SPIDR: variants seen among roughly 807,000 people sequenced by gnomAD.
SPIDR encodes the protein DNA repair-scaffolding protein.
A neutral mutation model predicts 104.6 loss-of-function variants in SPIDR; 93 were observed. The ratio of observed to expected loss-of-function variants is 0.89; its 90% CI spans 0.75 to 1.06. The LOEUF (loss-of-function observed/expected upper bound fraction) is 1.06, where lower values mean the gene tolerates loss of function less well. Among genes scored for constraint, SPIDR ranks in the 50% least tolerant of loss-of-function variants. SPIDR has a pLI of 0.00. For missense variants in SPIDR, 1,154 were observed against 1,111.2 expected (o/e 1.04, Z -0.55); for synonymous variants, 431 against 416.9 (o/e 1.03, Z -0.41).
chr8:47,398,662 G>A (rs1251589471), intron 6 of SPIDR, among the ~76,000 whole-genome samples: 1 of 152,184 alleles, frequency 6.6e-6, no homozygotes, highest in African/African-American at 2.4e-5. Context: ...TGGGTCTGCA[G>A]TCCACGGGCA....
At chr8:47,733,160 G>A (rs1156495101) in intron 19 of SPIDR, among the ~76,000 whole-genome samples, 1 of 152,224 alleles carries the variant, frequency 6.6e-6, no homozygotes, top group Non-Finnish European at 1.5e-5. Context: ...GCCCAGTCGG[G>A]CAGATCACCT....
At chr8:47,445,194 A>G (rs191322570) in intron 8 of SPIDR, among the ~76,000 whole-genome samples, 26 of 152,302 alleles carry the variant, frequency 1.7e-4, no homozygotes, top group Admixed American at 1.4e-3. Context: ...CCTGAATCCA[A>G]CAAGTCTACC....
chr8:47,500,798 C>G (rs1288040567), intron 8 of SPIDR, among the ~76,000 whole-genome samples: 3 of 152,086 alleles, frequency 2.0e-5, no homozygotes, highest in African/African-American at 7.2e-5. Context: ...AGTCTTTAAT[C>G]CATCTTGAAT....
At chr8:47,331,700 TTC>T (rs1164763105) in intron 5 of SPIDR, among the ~76,000 whole-genome samples, 1 of 152,154 alleles carries the variant, frequency 6.6e-6, no homozygotes, top group Non-Finnish European at 1.5e-5. Context: ...TTTAAAAATT[TTC>T]TTTCTTCAAT....
At chr8:47,729,307 C>T in intron 18 of SPIDR, 105 bp from the exon 19 acceptor site, 1 of 1,485,048 alleles carries the variant, frequency 6.7e-7, no homozygotes, top group South Asian at 1.2e-5. Context: ...GCTCTGAAGA[C>T]AGGTGGTTTG....
At chr8:47,384,467 T>A (rs543090465) in intron 5 of SPIDR, among the ~76,000 whole-genome samples, 61 of 152,350 alleles carry the variant, frequency 4.0e-4, no homozygotes, top group Admixed American at 1.3e-3. Context: ...GCGTAATTTG[T>A]ATAGAAACTG....
At chr8:47,654,042 AGACAGATAGGG>A (rs1274951842) in intron 10 of SPIDR, 1 of 1,289,370 alleles carries the variant, frequency 7.8e-7, no homozygotes, top group African/African-American at 1.5e-5. Flanking sequence ...GCGGGAGCCA[AGACAGATAGGG>A]GCGTGGTAGC....
intron 5 of SPIDR, among the ~76,000 whole-genome samples, chr8:47,354,743 G>A (rs948720274): frequency 3.3e-5 from 5 of 152,020 alleles, no homozygotes; most frequent in Non-Finnish European, 7.4e-5. Context: ...TTGGGCTCAG[G>A]TGATCCTCCT....
At chr8:47,427,698 T>A (rs894290531) in intron 7 of SPIDR, among the ~76,000 whole-genome samples, 1 of 152,098 alleles carries the variant, frequency 6.6e-6, no homozygotes, top group Non-Finnish European at 1.5e-5. Flanking sequence ...TCAGGCTACC[T>A]CAGGAGCAGT....
intron 5 of SPIDR, among the ~76,000 whole-genome samples, chr8:47,339,645 A>G (rs1458571285): frequency 6.6e-6 from 1 of 152,046 alleles, no homozygotes; most frequent in Non-Finnish European, 1.5e-5. Flanking sequence ...CTTTAAGCTG[A>G]ATACATGTTG....
At chr8:47,476,815 C>T (rs545137691) in intron 8 of SPIDR, among the ~76,000 whole-genome samples, 2 of 152,318 alleles carry the variant, frequency 1.3e-5, no homozygotes, top group South Asian at 2.1e-4. Context: ...GTAGGAGACT[C>T]GGTCAACACC....
intron 8 of SPIDR, among the ~76,000 whole-genome samples, chr8:47,490,199 A>G (rs1586607408): frequency 6.6e-6 from 1 of 152,234 alleles, no homozygotes; most frequent in East Asian, 1.9e-4. Context: ...ATATGAATAG[A>G]CACTTTGCAG....
chr8:47,445,811 A>T (rs2070476420), intron 8 of SPIDR, among the ~76,000 whole-genome samples: 1 of 152,202 alleles, frequency 6.6e-6, no homozygotes, highest in Non-Finnish European at 1.5e-5. Flanking sequence ...TAGGAGCTCA[A>T]ACAAGCCATG....
chr8:47,560,423 G>A (rs749115008), intron 8 of SPIDR, among the ~76,000 whole-genome samples: 3 of 152,014 alleles, frequency 2.0e-5, no homozygotes, highest in Admixed American at 6.6e-5. Context: ...TTTTCCCTTC[G>A]TCCCGCCTGC....
chr8:47,300,324 T>C (rs1296064998), intron 5 of SPIDR, among the ~76,000 whole-genome samples: 5 of 152,216 alleles, frequency 3.3e-5, no homozygotes, highest in African/African-American at 9.6e-5. Context: ...TTATTCCGTC[T>C]ATCTGATTCT....
intron 2 of SPIDR, among the ~76,000 whole-genome samples, chr8:47,281,087 G>A (rs1214432738): frequency 2.6e-5 from 4 of 152,140 alleles, no homozygotes; most frequent in Non-Finnish European, 5.9e-5. Flanking sequence ...TAAAAGTTAT[G>A]TTTATATTAT....
chr8:47,513,316 T>C (rs2082642659), intron 8 of SPIDR, among the ~76,000 whole-genome samples: 1 of 152,184 alleles, frequency 6.6e-6, no homozygotes, highest in Non-Finnish European at 1.5e-5. Context: ...AATAGAAAAA[T>C]AGACAGTAAT....
intron 10 of SPIDR, among the ~76,000 whole-genome samples, chr8:47,647,639 A>AGAGAGAGAGAGAGAGG (rs1339631209): frequency 6.8e-6 from 1 of 147,864 alleles, no homozygotes; most frequent in Non-Finnish European, 1.5e-5. Flanking sequence ...AGAGAGAGAG[A>AGAGAGAGAGAGAGAGG]GAGAGAGAGA....
At chr8:47,311,668 TC>T (rs1474275710) in intron 5 of SPIDR, among the ~76,000 whole-genome samples, 1 of 151,584 alleles carries the variant, frequency 6.6e-6, no homozygotes, top group Non-Finnish European at 1.5e-5. Flanking sequence ...AAGAAAAAAA[TC>T]TTGAAAGCAC....
Sources: allele counts gnomAD v4.1 joint callset (sites outside exome capture counted in the v4.1 genomes callset), GRCh38; gene constraint gnomAD v4.1.1; transcripts MANE v1.5; gene names NCBI Gene and HGNC (gene_info 2026-07-23, HGNC 2026-07-21).